SCN9A: variants seen among roughly 807,000 people sequenced by gnomAD.
The protein encoded by SCN9A is sodium channel protein type 9 subunit alpha.
In SCN9A, 131 loss-of-function variants were observed where a neutral mutation model predicts 187.0. The ratio of observed to expected loss-of-function variants is 0.70; its 90% CI spans 0.61 to 0.81. The LOEUF (loss-of-function observed/expected upper bound fraction) is 0.81. Ranked by LOEUF, SCN9A falls within the 30% of genes least tolerant of loss-of-function variation. SCN9A has a pLI of 0.00. For missense variants in SCN9A, 2,252 were observed against 2,396.6 expected (o/e 0.94, Z 1.26); for synonymous variants, 809 against 808.6 (o/e 1.00, Z -0.01).
chr2:166,227,016 T>A (rs1694869341), intron 23 of SCN9A, among the ~76,000 whole-genome samples: 1 of 152,148 alleles, frequency 6.6e-6, no homozygotes, highest in African/African-American at 2.4e-5. Flanking sequence ...AGTGACATAC[T>A]ATGTATATGT....
At position 166,199,183 on chromosome 2, in the gene SCN9A, T is replaced by A. The variant is rs778928947; in HGVS notation, c.5456A>T (p.Asn1819Ile). The change falls in exon 27 of 27, where the codon AAC becomes ATC. Residue 1819 changes from asparagine to isoleucine, a missense_variant. Transcript: ENST00000642356. ...ATCCATGGCAATGAGCTGGACTTTGTTGGGTTTTGCTATGAGAAGAGGAGG... is the reference window on the plus strand; with the variant it reads ...ATCCATGGCAATGAGCTGGACTTTGATGGGTTTTGCTATGAGAAGAGGAGG... ...LDPPLLIAKP[N>I]KVQLIAMDLP... The A allele has an allele frequency of 6.2e-7, 1 of 1,614,192 alleles. No homozygotes were observed. Among genetic ancestry groups the A allele is most frequent in the Non-Finnish European group, 8.5e-7 (1 of 1,180,028 alleles).
intron 10 of SCN9A, among the ~76,000 whole-genome samples, chr2:166,287,157 T>C (rs1031768563): frequency 2.0e-5 from 3 of 152,152 alleles, no homozygotes; most frequent in Non-Finnish European, 2.9e-5. Context: ...AACCTAGTAC[T>C]ATCCCTTTAC....
chr2:166,233,546 G>GCAACT, intron 20 of SCN9A, 84 bp from the exon 21 acceptor site: 1 of 1,081,790 alleles, frequency 9.2e-7, no homozygotes, highest in Non-Finnish European at 1.3e-6. Flanking sequence ...CTCACTAAAA[G>GCAACT]CAACTCAACA....
intron 17 of SCN9A, among the ~76,000 whole-genome samples, chr2:166,259,009 G>A (rs1696395761): frequency 1.3e-5 from 2 of 151,562 alleles, no homozygotes; most frequent in African/African-American, 4.8e-5. Flanking sequence ...AGCACATGAA[G>A]GTTACATCAA....
Position 166,198,833 on chromosome 2 carries a change from T to TATCA in SCN9A, c.5802_5805dup (p.Asn1936Ter). 6.2e-7 allele frequency: 1 copy of TATCA among 1,613,614 alleles called. No individual in the cohort carries two copies. Among genetic ancestry groups the TATCA allele is most frequent in the Non-Finnish European group, 8.5e-7 (1 of 1,179,628 alleles). On this transcript the variant is annotated stop_gained and frameshift_variant, in exon 27 of 27. Coordinates refer to ENST00000642356, the MANE Select transcript of SCN9A (RefSeq NM_001365536.1). LOFTEE classifies it high-confidence loss of function. ...TCTGGACTTGAGTTCTCATTAACAT[T>TATCA]ATCAAAAGCCATATCTTTTTTATTG...
chr2:166,198,149 C>T lies in SCN9A; in HGVS notation c.*523G>A, dbSNP rs747817019. The T allele has an allele frequency of 6.5e-6, 1 of 153,506 alleles. No homozygotes were observed. The highest frequency in any genetic ancestry group is 1.5e-5 in the Non-Finnish European group (1 of 68,940). 9.5% of individuals were successfully genotyped at this position (153,506 alleles called of 1,614,324 possible). ...TTAAGCACCTCAAAATATAGAATAA[C>T]CTCTGTACATTGATAAAAAGTCAAG... On this transcript the variant is annotated 3_prime_UTR_variant, in exon 27 of 27. Coordinates refer to ENST00000642356, the MANE Select transcript of SCN9A (RefSeq NM_001365536.1).
chr2:166,331,286 G>A (rs1203011933), intron 1 of SCN9A, among the ~76,000 whole-genome samples: 1 of 152,124 alleles, frequency 6.6e-6, no homozygotes, highest in Admixed American at 6.6e-5. Flanking sequence ...TGAGTATAGT[G>A]TGTGTATGTT....
intron 1 of SCN9A, among the ~76,000 whole-genome samples, chr2:166,327,472 CCA>C (rs2105257440): frequency 6.6e-6 from 1 of 152,212 alleles, no homozygotes; most frequent in Non-Finnish European, 1.5e-5. Context: ...TTTTAAATTG[CCA>C]ACATTCTACT....
At chr2:166,270,762 G>GATT (rs1553486333) in intron 17 of SCN9A, among the ~76,000 whole-genome samples, 2 of 143,666 alleles carry the variant, frequency 1.4e-5, no homozygotes, top group African/African-American at 2.6e-5. Flanking sequence ...GCATTTTACT[G>GATT]ATATATATAT....
intron 1 of SCN9A, among the ~76,000 whole-genome samples, chr2:166,313,277 G>A (rs968478237): frequency 3.9e-5 from 6 of 152,002 alleles, no homozygotes; most frequent in East Asian, 1.9e-4. Flanking sequence ...CAGCCTGTTC[G>A]TTGAAGCTTT....
intron 1 of SCN9A, among the ~76,000 whole-genome samples, chr2:166,314,454 A>C (rs1559037095): frequency 6.6e-6 from 1 of 152,320 alleles, no homozygotes; most frequent in Admixed American, 6.5e-5. Context: ...CAATTCCACT[A>C]CTTGGTACAG....
At chr2:166,284,397 T>G (rs773359581) in intron 12 of SCN9A, 56 bp downstream of exon 12, 117 of 1,548,470 alleles carry the variant, frequency 7.6e-5, no homozygotes, top group Non-Finnish European at 9.9e-5. Context: ...GCAGAGAGAC[T>G]GACTGATGCA....
chr2:166,312,308 A>G (rs1204404914), intron 1 of SCN9A, among the ~76,000 whole-genome samples: 1 of 152,172 alleles, frequency 6.6e-6, no homozygotes, highest in Non-Finnish European at 1.5e-5. Flanking sequence ...TTGCTTATCA[A>G]TCAGAAGCAA....
chr2:166,224,119 A>C (rs1366124929), intron 24 of SCN9A, among the ~76,000 whole-genome samples: 1 of 152,150 alleles, frequency 6.6e-6, no homozygotes, highest in African/African-American at 2.4e-5. Flanking sequence ...GATTAAAGTC[A>C]ATTGGATGTT....
At chr2:166,204,720 G>A (rs1165846003) in intron 24 of SCN9A, 2 of 224,858 alleles carry the variant, frequency 8.9e-6, no homozygotes, top group African/African-American at 4.6e-5. Flanking sequence ...TTCTTTTGGT[G>A]TGCTAATCAG....
intron 2 of SCN9A, among the ~76,000 whole-genome samples, chr2:166,311,278 T>A (rs1182641066): frequency 4.6e-5 from 6 of 129,846 alleles, no homozygotes; most frequent in African/African-American, 1.7e-4. Context: ...AGTATGCCAA[T>A]GCCAGAGCCA....
chr2:166,286,268 C>A, intron 11 of SCN9A, 68 bp downstream of exon 11: 7 of 1,465,614 alleles, frequency 4.8e-6, no homozygotes, highest in Non-Finnish European at 6.4e-6. Context: ...GTTCTCTTAC[C>A]CTAAAATAAG....
chr2:166,220,589 T>C (rs185302308), intron 24 of SCN9A, among the ~76,000 whole-genome samples: 8 of 152,234 alleles, frequency 5.3e-5, no homozygotes, highest in African/African-American at 1.7e-4. Flanking sequence ...TCCCATAAGG[T>C]TTATGTTCAT....
At chr2:166,308,970 C>T (rs529209086) in intron 2 of SCN9A, among the ~76,000 whole-genome samples, 5 of 140,612 alleles carry the variant, frequency 3.6e-5, no homozygotes, top group Non-Finnish European at 6.2e-5. Context: ...TAGTCAGAAA[C>T]TATATCATAA....
Sources: allele counts gnomAD v4.1 joint callset (sites outside exome capture counted in the v4.1 genomes callset), GRCh38; gene constraint gnomAD v4.1.1; transcripts MANE v1.5; gene names NCBI Gene and HGNC (gene_info 2026-07-23, HGNC 2026-07-21).